Variants in AGBL1 observed in about 807,000 individuals in gnomAD.
AGBL1 encodes cytosolic carboxypeptidase 4.
In AGBL1, 130 loss-of-function variants were observed where a neutral mutation model predicts 118.9. The observed-to-expected ratio is 1.09, with a 90% CI of 0.95 to 1.26. The LOEUF (loss-of-function observed/expected upper bound fraction) is 1.26. Ranked by LOEUF, AGBL1 falls within the 50% of genes most tolerant of loss-of-function variation. AGBL1 has a pLI of 0.00. For synonymous variants in AGBL1, 555 were observed against 478.9 expected (o/e 1.16, Z -2.08); for missense variants, 1,584 against 1,298.1 (o/e 1.22, Z -3.38).
intron 1 of AGBL1, among the ~76,000 whole-genome samples, chr15:86,080,947 G>T (rs1157113471): frequency 2.6e-5 from 4 of 151,456 alleles, no homozygotes; most frequent in East Asian, 3.9e-4. Flanking sequence ...GCGGGGGGGG[G>T]TCCATGACCC....
chr15:86,226,443 G>A (rs1285592904), intron 6 of AGBL1, among the ~76,000 whole-genome samples: 1 of 152,134 alleles, frequency 6.6e-6, no homozygotes, highest in East Asian at 1.9e-4. Flanking sequence ...TCATGGGAAG[G>A]GAGCCCAGAG....
intron 22 of AGBL1, among the ~76,000 whole-genome samples, chr15:86,727,241 T>A (rs2086834526): frequency 1.3e-5 from 2 of 152,084 alleles, no homozygotes; most frequent in African/African-American, 4.8e-5. Context: ...CTCAGGGACC[T>A]TCCACACCAC....
intron 17 of AGBL1, among the ~76,000 whole-genome samples, chr15:86,392,699 C>T (rs1240931424): frequency 1.3e-5 from 2 of 152,132 alleles, no homozygotes; most frequent in African/African-American, 4.8e-5. Context: ...ATTATTCAAT[C>T]CCCTACTTGT....
At chr15:87,018,754 T>G (rs8028737) in intron 24 of AGBL1, among the ~76,000 whole-genome samples, 1 of 151,792 alleles carries the variant, frequency 6.6e-6, no homozygotes, top group African/African-American at 2.4e-5. Context: ...GATGACAGGA[T>G]CAAACTCACA....
chr15:86,127,233 C>T (rs558825961), intron 1 of AGBL1, among the ~76,000 whole-genome samples: 1 of 152,272 alleles, frequency 6.6e-6, no homozygotes, highest in South Asian at 2.1e-4. Flanking sequence ...CAACCGTGGA[C>T]ATAGGTTGTA....
At chr15:86,441,250 G>T (rs778758496) in intron 18 of AGBL1, among the ~76,000 whole-genome samples, 7 of 152,116 alleles carry the variant, frequency 4.6e-5, no homozygotes, top group Non-Finnish European at 1.0e-4. Flanking sequence ...ATTATCACTT[G>T]TTGTTGAAGA....
At chr15:86,589,856 C>T (rs190230941) in intron 21 of AGBL1, among the ~76,000 whole-genome samples, 2 of 152,000 alleles carry the variant, frequency 1.3e-5, no homozygotes, top group African/African-American at 4.8e-5. Context: ...ACATCATGTC[C>T]TTTTAGTGTA....
chr15:86,571,882 A>G (rs1322618866), intron 21 of AGBL1, among the ~76,000 whole-genome samples: 2 of 152,130 alleles, frequency 1.3e-5, no homozygotes, highest in South Asian at 2.1e-4. Context: ...TCCTTCGCCC[A>G]GGAAACTGCC....
intron 24 of AGBL1, among the ~76,000 whole-genome samples, chr15:87,008,783 T>C (rs1327163888): frequency 1.3e-5 from 2 of 152,232 alleles, no homozygotes; most frequent in Non-Finnish European, 2.9e-5. Context: ...CAAAGGTGAC[T>C]CTTGTTATGT....
At chr15:86,104,808 C>T (rs1288687767) in intron 1 of AGBL1, among the ~76,000 whole-genome samples, 1 of 152,132 alleles carries the variant, frequency 6.6e-6, no homozygotes, top group East Asian at 1.9e-4. Context: ...GGTTGTGGGA[C>T]CCAGTGCGAG....
chr15:86,989,946 G>T (rs1317348244), intron 24 of AGBL1, among the ~76,000 whole-genome samples: 1 of 152,122 alleles, frequency 6.6e-6, no homozygotes, highest in Non-Finnish European at 1.5e-5. Context: ...TGTGAGTGGG[G>T]TTCTATAAAG....
intron 3 of AGBL1, among the ~76,000 whole-genome samples, chr15:86,150,277 C>T (rs980783632): frequency 1.3e-5 from 2 of 152,102 alleles, no homozygotes; most frequent in Admixed American, 1.3e-4. Context: ...TAACTAAGAT[C>T]AGAGCAGAAC....
intron 18 of AGBL1, among the ~76,000 whole-genome samples, chr15:86,426,197 G>T (rs771906841): frequency 6.6e-6 from 1 of 152,122 alleles, no homozygotes; most frequent in Non-Finnish European, 1.5e-5. Context: ...GAAAGACTGC[G>T]AATTCTTTGA....
intron 1 of AGBL1, among the ~76,000 whole-genome samples, chr15:86,098,349 C>G (rs1341388526): frequency 6.6e-6 from 1 of 152,050 alleles, no homozygotes; most frequent in African/African-American, 2.4e-5. Flanking sequence ...GGTTTTGTTG[C>G]CTGTGCTTTT....
intron 22 of AGBL1, among the ~76,000 whole-genome samples, chr15:86,693,749 A>G (rs1405134506): frequency 6.6e-6 from 1 of 152,060 alleles, no homozygotes; most frequent in Non-Finnish European, 1.5e-5. Flanking sequence ...TAAGTCCTTG[A>G]TCCATCTTGA....
intron 18 of AGBL1, among the ~76,000 whole-genome samples, chr15:86,450,209 C>T (rs1167652126): frequency 6.6e-6 from 1 of 152,194 alleles, no homozygotes; most frequent in East Asian, 1.9e-4. Flanking sequence ...ATGGATTTGA[C>T]TGTTAGCTAT....
In AGBL1 at chr15:86,791,728, T is replaced by TA. The variant is rs1177264209; in HGVS notation, c.3159-115359_3159-115358insA. The stretch of plus-strand genomic sequence containing the variant: ...TTCTGAACTCATCTTTCCTTGTTTT[T>TA]TATATATATATATATATATATATTT... On this transcript the variant is annotated intron_variant, in intron 22 of 22. Coordinates refer to ENST00000614907, the MANE Select transcript of AGBL1 (RefSeq NM_001386094.1). Among the ~76,000 whole-genome samples the TA allele has an allele frequency of 2.5e-3, 351 of 142,894 alleles. 6 individuals are homozygous for TA. The highest frequency in any genetic ancestry group is 0.011 in the Middle Eastern group (3 of 278). The allele number at this position is 142,894 out of a possible 152,430, so 93.7% of individuals were successfully genotyped here.
At chr15:86,694,617 G>A (rs528302247) in intron 22 of AGBL1, among the ~76,000 whole-genome samples, 8 of 152,048 alleles carry the variant, frequency 5.3e-5, no homozygotes, top group African/African-American at 1.2e-4. Flanking sequence ...CTCTGACTAG[G>A]ACTCCCAGTT....
At chr15:86,468,440 C>T (rs1334187413) in intron 18 of AGBL1, among the ~76,000 whole-genome samples, 1 of 152,162 alleles carries the variant, frequency 6.6e-6, no homozygotes, top group Non-Finnish European at 1.5e-5. Context: ...AATCTGCATT[C>T]TGGGCACTTG....
Sources: allele counts gnomAD v4.1 joint callset (sites outside exome capture counted in the v4.1 genomes callset), GRCh38; gene constraint gnomAD v4.1.1; transcripts MANE v1.5; gene names NCBI Gene and HGNC (gene_info 2026-07-23, HGNC 2026-07-21).